FAM47E: variants seen among roughly 807,000 people sequenced by gnomAD.
FAM47E encodes family with sequence similarity 47 member E.
FAM47E carries 32 observed loss-of-function variants against 41.6 expected under a neutral mutation model. The observed-to-expected ratio is 0.77, with a 90% confidence interval of 0.58 to 1.03. FAM47E has a LOEUF of 1.03. Ranked by LOEUF, FAM47E falls within the 50% of genes least tolerant of loss-of-function variation. FAM47E has a pLI of 0.00. For missense variants in FAM47E, 424 were observed against 485.4 expected (o/e 0.87, Z 1.19); for synonymous variants, 184 against 188.7 (o/e 0.98, Z 0.20).
intron 2 of FAM47E, among the ~76,000 whole-genome samples, chr4:76,225,260 T>C (rs564812034): frequency 6.6e-6 from 1 of 152,320 alleles, no homozygotes; most frequent in East Asian, 1.9e-4. Flanking sequence ...CATGTGCAAG[T>C]GTCTTTTTCA....
chr4:76,245,229 A>G (rs527735003), intron 2 of FAM47E, among the ~76,000 whole-genome samples: 1 of 152,250 alleles, frequency 6.6e-6, no homozygotes, highest in South Asian at 2.1e-4. Context: ...AACCAGGAAA[A>G]CAGAAGCCAC....
intron 2 of FAM47E, among the ~76,000 whole-genome samples, chr4:76,257,327 A>T (rs976815056): frequency 1.1e-4 from 16 of 152,112 alleles, no homozygotes; most frequent in African/African-American, 3.9e-4. Context: ...ATTAGATTTA[A>T]AGAGAAAAGG....
At chr4:76,234,262 C>T (rs1733544787) in intron 2 of FAM47E, 2 of 152,400 alleles carry the variant, frequency 1.3e-5, no homozygotes, top group Admixed American at 1.3e-4. Context: ...GATGAAAAGG[C>T]TTAGGAGCAA....
chr4:76,282,889 G>GTGTGTA (rs1463360422), intron 7 of FAM47E: 1 of 152,954 alleles, frequency 6.5e-6, no homozygotes, highest in Non-Finnish European at 1.5e-5. Flanking sequence ...AAATATATGT[G>GTGTGTA]TGTGTATGTG....
intron 4 of FAM47E, among the ~76,000 whole-genome samples, chr4:76,270,712 T>C (rs558361202): frequency 6.6e-6 from 1 of 152,330 alleles, no homozygotes; most frequent in South Asian, 2.1e-4. Context: ...TTTCAGACCC[T>C]GTGACCAAGC....
intron 6 of FAM47E, 72 bp from the exon 7 acceptor site, chr4:76,280,192 T>C: frequency 1.1e-6 from 1 of 934,908 alleles, no homozygotes; most frequent in Non-Finnish European, 1.7e-6. Flanking sequence ...ACTAAATGCT[T>C]TTAATGAGAA....
At chr4:76,217,622 G>C in exon 2 of FAM47E, 1 of 629,066 alleles carries the variant, frequency 1.6e-6, no homozygotes, top group African/African-American at 1.8e-5. Context: ...AGATGTCTGT[G>C]CCGTGCGTCT....
In FAM47E at chr4:76,263,686, A is replaced by G; in HGVS notation, c.421-18A>G. 1 of 1,547,588 alleles carries G rather than the reference A, an allele frequency of 6.5e-7. No homozygotes were observed. The highest frequency in any genetic ancestry group is 2.4e-5 in the East Asian group (1 of 40,902). On this transcript the variant is annotated intron_variant, in intron 2 of 7. Transcript: ENST00000424749. ...CAGCATGTTTTTCTTTTCCTCTAAG[A>G]CTATTTTCTGTTTGTAGCTCTTATC...
At position 76,280,315 on chromosome 4, in the gene FAM47E, C is replaced by T. The variant is rs1735292185; in HGVS notation, c.1078C>T (p.Leu360=). The change falls in exon 7 of 8, where the codon CTA becomes TTA. Residue 360 remains leucine (L), a synonymous_variant. Coordinates refer to ENST00000424749, the MANE Select transcript of FAM47E (RefSeq NM_001136570.3). ...HGTVAFKDFI[L]SRGYRTPRFL... The stretch of plus-strand genomic sequence containing the variant: ...AACAGTTGCCTTTAAGGATTTCATT[C>T]TAAGCAGGGGCTACAGGACGCCACG... The T allele has an allele frequency of 1.3e-6, 2 of 1,550,038 alleles. No individual in the cohort carries two copies. Among genetic ancestry groups the T allele is most frequent in the Non-Finnish European group, 1.7e-6 (2 of 1,145,722 alleles).
chr4:76,261,188 G>A (rs190508790), intron 2 of FAM47E, among the ~76,000 whole-genome samples: 2 of 152,140 alleles, frequency 1.3e-5, no homozygotes, highest in African/African-American at 4.8e-5. Flanking sequence ...TATTGGCAAG[G>A]ATGCAGAGAA....
chr4:76,279,308 A>T (rs1381248250), intron 6 of FAM47E: 2 of 152,214 alleles, frequency 1.3e-5, no homozygotes, highest in Non-Finnish European at 2.9e-5. Flanking sequence ...TAAATATTTA[A>T]AAAGAAAAAT....
chr4:76,217,740 G>C, intron 2 of FAM47E: 1 of 511,658 alleles, frequency 2.0e-6, no homozygotes, highest in South Asian at 3.1e-5. Context: ...GGAGACTGAT[G>C]CTGTGGCAAG....
At chr4:76,216,195 C>T (rs916444522) in intron 1 of FAM47E, among the ~76,000 whole-genome samples, 1 of 152,202 alleles carries the variant, frequency 6.6e-6, no homozygotes, top group South Asian at 2.1e-4. Context: ...GCTACATTAA[C>T]TCTGCTCTGT....
chr4:76,230,422 C>T (rs1446729422), intron 2 of FAM47E, among the ~76,000 whole-genome samples: 1 of 152,078 alleles, frequency 6.6e-6, no homozygotes, highest in Non-Finnish European at 1.5e-5. Context: ...TCAGACCTTG[C>T]CCCAGGCTAT....
At chr4:76,242,605 T>C (rs1163229489) in intron 2 of FAM47E, among the ~76,000 whole-genome samples, 1 of 152,226 alleles carries the variant, frequency 6.6e-6, no homozygotes, top group Non-Finnish European at 1.5e-5. Context: ...TAAATACTTA[T>C]TATTTCTATT....
intron 2 of FAM47E, among the ~76,000 whole-genome samples, chr4:76,261,526 A>G (rs1254550683): frequency 2.0e-5 from 3 of 152,210 alleles, no homozygotes; most frequent in Admixed American, 2.0e-4. Flanking sequence ...TCGTAGCGAC[A>G]TGGATGGAAC....
At chr4:76,272,171 A>G (rs1269684824) in intron 5 of FAM47E, among the ~76,000 whole-genome samples, 1 of 152,218 alleles carries the variant, frequency 6.6e-6, no homozygotes, top group Admixed American at 6.5e-5. Context: ...TTGACCACAA[A>G]CCATCATTCT....
upstream of FAM47E, among the ~76,000 whole-genome samples, chr4:76,251,372 C>G (rs532489637): frequency 1.3e-5 from 2 of 152,218 alleles, no homozygotes; most frequent in African/African-American, 4.8e-5. Context: ...CACTTTCCAT[C>G]CTCTTTCTCT....
At chr4:76,229,640 C>G (rs1208100180) in intron 2 of FAM47E, among the ~76,000 whole-genome samples, 4 of 152,270 alleles carry the variant, frequency 2.6e-5, no homozygotes, top group Middle Eastern at 6.8e-3. Context: ...GTGCAGCTAC[C>G]AGGCTCCAGG....
Sources: gnomAD v4.1 joint callset for allele counts (sites outside exome capture counted in the v4.1 genomes callset) on GRCh38, gnomAD v4.1.1 for gene constraint, MANE v1.5 for transcripts, NCBI Gene and HGNC (gene_info 2026-07-23, HGNC 2026-07-21) for gene names.